The following CATSPER2 variants were observed in gnomAD, a reference collection of about 807,000 sequenced individuals.
CATSPER2 encodes cation channel sperm-associated protein 2.
A neutral mutation model predicts 68.8 loss-of-function variants in CATSPER2; 56 were observed. That is an observed-to-expected ratio of 0.81 (90% CI 0.66 to 1.02). The LOEUF (loss-of-function observed/expected upper bound fraction) is 1.02. Ranked by LOEUF, CATSPER2 falls within the 50% of genes least tolerant of loss-of-function variation. The pLI, the probability that CATSPER2 is intolerant of heterozygous loss-of-function variation, is 0.00. For synonymous variants in CATSPER2, 198 were observed against 229.9 expected (o/e 0.86, Z 1.26); for missense variants, 582 against 642.0 (o/e 0.91, Z 1.01).
chr15:43,635,632 C>T, intron 9 of CATSPER2, 95 bp downstream of exon 9: 1 of 1,222,734 alleles, frequency 8.2e-7, no homozygotes, highest in Non-Finnish European at 1.2e-6. Flanking sequence ...AATCTACTGT[C>T]ACAAAGGGAA....
rs1460229573 is a variant in CATSPER2, at chr15:43,630,093, G to C, written c.*608C>G. On this transcript the variant is annotated 3_prime_UTR_variant, in exon 13 of 13. Coordinates refer to ENST00000396879, the MANE Select transcript of CATSPER2 (RefSeq NM_172095.4). ...TGTGGAAAGGGTAGAAAGCTAAGGA[G>C]CACAGACTCCACTGGCATCTGAGCT... The C allele has an allele frequency of 1.3e-5, 2 of 156,876 alleles. No individual in the cohort carries two copies. The highest frequency in any genetic ancestry group is 2.8e-5 in the Non-Finnish European group (2 of 70,534). 9.7% of individuals were successfully genotyped at this position (156,876 alleles called of 1,614,324 possible).
rs143585637 is a variant in CATSPER2, at chr15:43,632,724, T to C, written c.1389A>G (p.Glu463=). The C allele has an allele frequency of 2.5e-6, 4 of 1,613,528 alleles. No individual in the cohort carries two copies. In the African/African-American group the frequency reaches 4.0e-5, roughly 16 times the overall value. ...YSSSSESRFS[E]SIGRLDWETL... ...TATAGTTCTTCGGCTCACCAATAGA[T>C]TCAGAAAATCTGGATTCAGAAGAGG... The change falls in exon 11 of 13, where the codon GAA becomes GAG. Residue 463 remains glutamate, a synonymous_variant. Coordinates refer to ENST00000396879, the MANE Select transcript of CATSPER2 (RefSeq NM_172095.4).
chr15:43,640,950 A>G (rs1567130788), intron 4 of CATSPER2, among the ~76,000 whole-genome samples: 1 of 151,516 alleles, frequency 6.6e-6, no homozygotes, highest in Non-Finnish European at 1.5e-5. Context: ...ACAAGCCACA[A>G]TCATTAGGGT....
intron 10 of CATSPER2, chr15:43,634,448 T>G (rs2085929476): frequency 6.6e-6 from 1 of 151,958 alleles, no homozygotes; most frequent in African/African-American, 2.4e-5. Context: ...ACTCCTGAGC[T>G]CAAGTCATCT....
At chr15:43,636,356 GTT>G in intron 7 of CATSPER2, 137 bp from the exon 8 acceptor site, 1 of 1,188,250 alleles carries the variant, frequency 8.4e-7, no homozygotes, top group Non-Finnish European at 1.2e-6. Flanking sequence ...ACCATACTCA[GTT>G]TTTAGCTAAT....
At chr15:43,646,969 G>C in intron 4 of CATSPER2, 81 bp downstream of exon 4, 1 of 1,206,532 alleles carries the variant, frequency 8.3e-7, no homozygotes, top group Non-Finnish European at 1.2e-6. Flanking sequence ...CACACGCCCC[G>C]GCCTCCCAAA....
At chr15:43,638,292 T>TTTTC (rs2086004211) in intron 7 of CATSPER2, among the ~76,000 whole-genome samples, 1 of 133,684 alleles carries the variant, frequency 7.5e-6, no homozygotes, top group Admixed American at 7.3e-5. Context: ...CTTTCTTTTT[T>TTTTC]TTTTTTTTTT....
In CATSPER2 at chr15:43,638,268, T is replaced by C. The variant is rs144510942; in HGVS notation, c.842+636A>G. Among the ~76,000 whole-genome samples the C allele has an allele frequency of 1.3e-3, 183 of 146,264 alleles. 2 individuals are homozygous for C. Among genetic ancestry groups the C allele is most frequent in the African/African-American group, 4.3e-3 (162 of 37,956 alleles). ...TGTGCCCAGCCTATTCCCATTTTTC[T>C]TTTCTTTTTCTTTCTTTCTTTTTTT... is the stretch of plus-strand genomic sequence containing the variant. On this transcript the variant is annotated intron_variant, in intron 7 of 12. Coordinates refer to ENST00000396879, the MANE Select transcript of CATSPER2 (RefSeq NM_172095.4).
chr15:43,648,486 G>C (rs552122175), intron 1 of CATSPER2, 143 bp downstream of exon 1: 2 of 834,594 alleles, frequency 2.4e-6, no homozygotes, highest in African/African-American at 1.8e-5. Flanking sequence ...GCCTGCTCAC[G>C]CAAGAGAAAC....
chr15:43,635,159 T>C, intron 10 of CATSPER2: 4 of 634,960 alleles, frequency 6.3e-6, no homozygotes, highest in Non-Finnish European at 1.2e-5. Flanking sequence ...TAGGATCTTT[T>C]TTTTTTTCCA....
intron 6 of CATSPER2, 123 bp from the exon 7 acceptor site, chr15:43,639,151 C>G: frequency 3.4e-6 from 4 of 1,170,258 alleles, no homozygotes; most frequent in Non-Finnish European, 5.0e-6. Flanking sequence ...ACCCAGTCAT[C>G]TTTGAACCAT....
At chr15:43,637,766 G>A (rs917724226) in intron 7 of CATSPER2, 3 of 151,838 alleles carry the variant, frequency 2.0e-5, no homozygotes, top group Non-Finnish European at 4.4e-5. Flanking sequence ...ACAGAGATCA[G>A]GAATAGGCGT....
chr15:43,645,657 TG>T lies in CATSPER2; in HGVS notation c.388+1392del, dbSNP rs1194981830. ...AATCAACATAATTAGCCTGGTGTAGTGGGCATGCACCTGTAGTCCAAGCTAC... is the reference window on the plus strand; with the variant it reads ...AATCAACATAATTAGCCTGGTGTAGTGGCATGCACCTGTAGTCCAAGCTAC... On this transcript the variant is annotated intron_variant, in intron 4 of 12. Transcript: ENST00000396879. 4.0e-5 allele frequency among the ~76,000 whole-genome samples: 6 copies of T among 151,654 alleles called. No individual in the cohort carries two copies. The East Asian group carries it at 1.2e-3, about 30-fold the overall frequency.
chr15:43,630,813 T>C lies in CATSPER2; in HGVS notation c.1562-81A>G, dbSNP rs1310132982. ...ATGTTTGGTGAAGACCTTGCTTTTC[T>C]GGGTTCTAGGTTCCCTCACAAGTCT... On this transcript the variant is annotated intron_variant, in intron 12 of 12. Coordinates refer to ENST00000396879, the MANE Select transcript of CATSPER2 (RefSeq NM_172095.4). 5.6e-6 allele frequency: 9 copies of C among 1,610,992 alleles called. No homozygotes were observed. In the South Asian group the frequency reaches 9.9e-5, roughly 18 times the overall value.
Position 43,635,200 on chromosome 15 carries a change from CA to C in CATSPER2, c.1178+159del, listed in dbSNP as rs1353616307. The stretch of plus-strand genomic sequence containing the variant: ...GGTCACATTCACAGGTTCCAGGGAG[CA>C]AAGACATGGACATATTATTTCGGGT... On this transcript the variant is annotated intron_variant, in intron 10 of 12. Transcript: ENST00000396879. The C allele has an allele frequency of 6.8e-6, 5 of 740,506 alleles. No homozygotes were observed. In the Admixed American group the frequency reaches 1.0e-4, roughly 15 times the overall value. 45.9% of individuals were successfully genotyped at this position (740,506 alleles called of 1,614,324 possible). A position where few individuals can be genotyped will look rare whatever the true frequency, so the allele number is the denominator to read the frequency against.
chr15:43,648,171 T>C lies in CATSPER2; in HGVS notation c.-2-108A>G, dbSNP rs2086207583. 22 of 1,295,622 alleles carry C rather than the reference T, an allele frequency of 1.7e-5. 1 individual carries two copies. Among genetic ancestry groups the C allele is most frequent in the Non-Finnish European group, 1.9e-5 (17 of 893,038 alleles). 80.3% of individuals were successfully genotyped at this position (1,295,622 alleles called of 1,614,324 possible). Reference sequence around the variant, plus strand: ...CACCCTCTTTACCCTTAAGATTCCTTAATGTACCCACATCTACGAACTAGG... The same window carrying C: ...CACCCTCTTTACCCTTAAGATTCCTCAATGTACCCACATCTACGAACTAGG... On this transcript the variant is annotated intron_variant, in intron 1 of 12. Coordinates refer to ENST00000396879, the MANE Select transcript of CATSPER2 (RefSeq NM_172095.4).
At chr15:43,632,070 G>A in intron 12 of CATSPER2, 129 bp downstream of exon 12, 1 of 1,021,010 alleles carries the variant, frequency 9.8e-7, no homozygotes, top group Non-Finnish European at 1.5e-6. Context: ...TTTAGTTTCT[G>A]CCTATTTTAG....
intron 5 of CATSPER2, 182 bp from the exon 6 acceptor site, chr15:43,639,980 T>C: frequency 1.4e-6 from 2 of 1,463,444 alleles, no homozygotes; most frequent in South Asian, 1.4e-5. Flanking sequence ...CTTAAACTTG[T>C]TCAGATATAA....
rs764284645 is a variant in CATSPER2, at chr15:43,647,375, C to A, written c.238G>T (p.Ala80Ser). The change falls in exon 3 of 13, where the codon GCC (alanine) becomes TCC (serine). Residue 80 changes from alanine to serine, a missense_variant. By Grantham distance (99) the Ala-to-Ser change is moderately conservative. This residue lies in a region of CATSPER2 where 197 missense variants were observed against 191.0 expected (regional missense o/e 1.03). Coordinates refer to ENST00000396879, the MANE Select transcript of CATSPER2 (RefSeq NM_172095.4). ...KPQRIEQISH[A>S]QRLLSRLHVR... Reference sequence around the variant, plus strand: ...TGAAGCCTGCTCAACAGCCTCTGGGCATGTGAAATCTGTTCTATACGCTGA... The same window carrying A: ...TGAAGCCTGCTCAACAGCCTCTGGGAATGTGAAATCTGTTCTATACGCTGA... 5 of 1,613,122 alleles carry A rather than the reference C, an allele frequency of 3.1e-6. No homozygotes were observed. Among genetic ancestry groups the A allele is most frequent in the South Asian group, 2.2e-5 (2 of 91,032 alleles).
Sources: gnomAD v4.1 joint callset for allele counts (sites outside exome capture counted in the v4.1 genomes callset) on GRCh38, gnomAD v4.1.1 for gene constraint, gnomAD v4.1.1 regional missense constraint, MANE v1.5 for transcripts, NCBI Gene and HGNC (gene_info 2026-07-23, HGNC 2026-07-21) for gene names.